Variants in AJAP1 observed in about 807,000 individuals in gnomAD.
The protein encoded by AJAP1 is adherens junctions associated protein 1.
A neutral mutation model predicts 35.0 loss-of-function variants in AJAP1; 5 were observed. The observed-to-expected ratio is 0.14, with a 90% CI of 0.07 to 0.30. The LOEUF is 0.30. Ranked by LOEUF, AJAP1 falls within the 10% of genes least tolerant of loss-of-function variation. AJAP1 has a pLI of 1.00. For missense variants in AJAP1, 586 were observed against 571.0 expected (o/e 1.03, Z -0.27); for synonymous variants, 284 against 249.3 (o/e 1.14, Z -1.31).
chr1:4,663,645 G>T (rs1259855138), intron 1 of AJAP1, among the ~76,000 whole-genome samples: 1 of 152,094 alleles, frequency 6.6e-6, no homozygotes, highest in African/African-American at 2.4e-5. Context: ...GTGGATGAGG[G>T]TCTCGGCTCA....
At chr1:4,722,984 A>T (rs1475829358) in intron 2 of AJAP1, among the ~76,000 whole-genome samples, 1 of 152,038 alleles carries the variant, frequency 6.6e-6, no homozygotes, top group Non-Finnish European at 1.5e-5. Flanking sequence ...GAGTGGTGTG[A>T]TCTGAGCCGG....
chr1:4,761,074 AC>A (rs1004593493), intron 2 of AJAP1, among the ~76,000 whole-genome samples: 1 of 150,694 alleles, frequency 6.6e-6, no homozygotes, highest in African/African-American at 2.4e-5. Flanking sequence ...CCCTAACTGA[AC>A]CCCCAGGGTG....
intron 1 of AJAP1, among the ~76,000 whole-genome samples, chr1:4,664,760 G>C (rs1242521463): frequency 1.3e-5 from 2 of 152,134 alleles, no homozygotes; most frequent in African/African-American, 4.8e-5. Context: ...CTACCAGGCT[G>C]ACTACAGCCC....
chr1:4,678,302 A>G (rs1018922021), intron 1 of AJAP1, among the ~76,000 whole-genome samples: 3 of 152,196 alleles, frequency 2.0e-5, no homozygotes, highest in African/African-American at 7.2e-5. Context: ...ACTACTATCT[A>G]TTGGTTACAT....
chr1:4,763,925 C>T (rs1236075296), intron 2 of AJAP1, among the ~76,000 whole-genome samples: 1 of 151,470 alleles, frequency 6.6e-6, no homozygotes, highest in Non-Finnish European at 1.5e-5. Context: ...CTCCCTCTCC[C>T]CACACCTTCC....
At chr1:4,775,833 G>A (rs874613) in intron 5 of AJAP1, among the ~76,000 whole-genome samples, 17,223 of 152,226 alleles carry the variant, frequency 0.11, 1,214 homozygotes, top group Middle Eastern at 0.22. Flanking sequence ...GCAGCCTAGA[G>A]CATCCATCAG....
In AJAP1 at chr1:4,712,545, G is replaced by A. The variant is rs1459076033; in HGVS notation, c.675G>A (p.Thr225=). The change falls in exon 2 of 6, where the codon ACG becomes ACA. Residue 225 remains threonine (T), a synonymous_variant. Coordinates refer to ENST00000378191, the MANE Select transcript of AJAP1 (RefSeq NM_018836.4). ...TVAATTTTTT[T]ATPMTLQTKG... ...CCGCCACCACCACCACCACCACCAC[G>A]GCCACCCCCATGACGCTGCAGACTA... The A allele has an allele frequency of 1.1e-5, 18 of 1,611,430 alleles. No homozygotes were observed. Among genetic ancestry groups the A allele is most frequent in the Non-Finnish European group, 1.4e-5 (17 of 1,178,898 alleles).
At position 4,740,107 on chromosome 1, in the gene AJAP1, C is replaced by T. The variant is rs114963247; in HGVS notation, c.829+27408C>T. 4.8e-3 allele frequency among the ~76,000 whole-genome samples: 736 copies of T among 152,184 alleles called. 6 individuals are homozygous for T. Among genetic ancestry groups the T allele is most frequent in the African/African-American group, 0.016 (681 of 41,542 alleles). ...TTATTTACAATATTCGAAGTCACACCTCCCAGGTGTCCATCTATGGATGAG... is the reference window on the plus strand; with the variant it reads ...TTATTTACAATATTCGAAGTCACACTTCCCAGGTGTCCATCTATGGATGAG... On this transcript the variant is annotated intron_variant, in intron 2 of 5. Transcript: ENST00000378191.
At chr1:4,697,141 G>A (rs887405714) in intron 1 of AJAP1, among the ~76,000 whole-genome samples, 1 of 152,184 alleles carries the variant, frequency 6.6e-6, no homozygotes, top group African/African-American at 2.4e-5. Flanking sequence ...ATGTGTGGCT[G>A]TATTCTGTGT....
intron 2 of AJAP1, 148 bp downstream of exon 2, chr1:4,712,847 C>G (rs896878094): frequency 2.6e-6 from 2 of 780,710 alleles, no homozygotes; most frequent in African/African-American, 3.5e-5. Context: ...CTTGCACATG[C>G]CTGTAGACTG....
intron 3 of AJAP1, among the ~76,000 whole-genome samples, chr1:4,771,660 G>A (rs1485865786): frequency 6.6e-6 from 1 of 152,202 alleles, no homozygotes; most frequent in Non-Finnish European, 1.5e-5. Flanking sequence ...AACCCCTGTG[G>A]TTCAGAGGAA....
intron 2 of AJAP1, among the ~76,000 whole-genome samples, chr1:4,739,243 T>C (rs989018946): frequency 6.6e-6 from 1 of 152,216 alleles, no homozygotes; most frequent in African/African-American, 2.4e-5. Flanking sequence ...GCATCCCACT[T>C]TGCTCACAAT....
intron 1 of AJAP1, among the ~76,000 whole-genome samples, chr1:4,671,133 C>A (rs969520619): frequency 6.6e-6 from 1 of 152,126 alleles, no homozygotes; most frequent in Non-Finnish European, 1.5e-5. Context: ...CTTTGGGAGG[C>A]CGAGGTGGGA....
At chr1:4,662,056 GTGTGTGTGTGTC>G (rs1013389106) in intron 1 of AJAP1, among the ~76,000 whole-genome samples, 3 of 151,940 alleles carry the variant, frequency 2.0e-5, no homozygotes, top group African/African-American at 4.8e-5. Context: ...TTGTGTGTGT[GTGTGTGTGTGTC>G]TGTGTGTGTG....
chr1:4,728,377 C>T (rs1426039911), intron 2 of AJAP1, among the ~76,000 whole-genome samples: 1 of 152,144 alleles, frequency 6.6e-6, no homozygotes, highest in African/African-American at 2.4e-5. Flanking sequence ...TTGTGTGGCT[C>T]GTGGTTTCCT....
chr1:4,687,688 G>A (rs1639639030), intron 1 of AJAP1, among the ~76,000 whole-genome samples: 2 of 152,172 alleles, frequency 1.3e-5, no homozygotes, highest in South Asian at 2.1e-4. Context: ...TAGAGTGAAC[G>A]TCCCTGTCAC....
intron 2 of AJAP1, among the ~76,000 whole-genome samples, chr1:4,745,827 C>T (rs9787371): frequency 0.019 from 2,963 of 152,190 alleles, 115 homozygotes; most frequent in East Asian, 0.16. Flanking sequence ...GGGGGCGAGT[C>T]GACTGCTTTC....
intron 2 of AJAP1, among the ~76,000 whole-genome samples, chr1:4,719,681 A>G (rs1030225940): frequency 2.6e-5 from 4 of 152,102 alleles, no homozygotes; most frequent in African/African-American, 9.7e-5. Context: ...TGAATAAGAC[A>G]ACCTCCGAGG....
At chr1:4,722,531 A>G (rs1358991837) in intron 2 of AJAP1, among the ~76,000 whole-genome samples, 1 of 152,182 alleles carries the variant, frequency 6.6e-6, no homozygotes, top group Non-Finnish European at 1.5e-5. Flanking sequence ...GGGCTGCTGT[A>G]ATGCATCACC....
Sources: allele counts gnomAD v4.1 joint callset (sites outside exome capture counted in the v4.1 genomes callset), GRCh38; gene constraint gnomAD v4.1.1; transcripts MANE v1.5; gene names NCBI Gene and HGNC (gene_info 2026-07-23, HGNC 2026-07-21).